The following WWOX variants were observed in gnomAD, a reference collection of about 807,000 sequenced individuals.
WWOX encodes the protein WW domain containing oxidoreductase, also known as WW domain-containing oxidoreductase.
A neutral mutation model predicts 46.2 loss-of-function variants in WWOX; 69 were observed. That is an observed-to-expected ratio of 1.49 (90% confidence interval 1.23 to 1.82). WWOX has a LOEUF of 1.82. Ranked by LOEUF, WWOX falls within the 40% of genes most tolerant of loss-of-function variation. WWOX has a pLI of 0.00. For synonymous variants in WWOX, 359 were observed against 202.6 expected (o/e 1.77, Z -6.56); for missense variants, 919 against 542.6 (o/e 1.69, Z -6.89).
At chr16:78,536,895 C>G (rs2043771258) in intron 8 of WWOX, among the ~76,000 whole-genome samples, 1 of 149,212 alleles carries the variant, frequency 6.7e-6, no homozygotes, top group Non-Finnish European at 1.5e-5. Context: ...GGTTGCAGAG[C>G]CAAGTCTTTT....
At chr16:78,595,488 T>G (rs1168562779) in intron 8 of WWOX, among the ~76,000 whole-genome samples, 2 of 152,160 alleles carry the variant, frequency 1.3e-5, no homozygotes, top group Non-Finnish European at 2.9e-5. Context: ...ACATACTCAC[T>G]CATGACTTCA....
chr16:78,726,294 G>C (rs551341341), intron 8 of WWOX, among the ~76,000 whole-genome samples: 1 of 151,046 alleles, frequency 6.6e-6, no homozygotes, highest in African/African-American at 2.4e-5. Flanking sequence ...GCATGATCAC[G>C]GTTCACTGCA....
chr16:78,371,812 A>G (rs1478443882), intron 5 of WWOX, among the ~76,000 whole-genome samples: 1 of 151,980 alleles, frequency 6.6e-6, no homozygotes, highest in African/African-American at 2.4e-5. Flanking sequence ...TTTATCTTTT[A>G]TCTTTAACAT....
At chr16:78,760,783 C>G (rs1320671182) in intron 8 of WWOX, among the ~76,000 whole-genome samples, 1 of 152,192 alleles carries the variant, frequency 6.6e-6, no homozygotes, top group Non-Finnish European at 1.5e-5. Flanking sequence ...AGTCTGTTTT[C>G]ACTCTGCTGA....
chr16:78,745,740 C>G (rs1375063981), intron 8 of WWOX, among the ~76,000 whole-genome samples: 1 of 151,482 alleles, frequency 6.6e-6, no homozygotes, highest in Non-Finnish European at 1.5e-5. Context: ...CCTCCTCCTT[C>G]TCCTCCTCCC....
In WWOX at chr16:78,415,088, AATT is replaced by A. The variant is rs1441322010; in HGVS notation, c.606-9779_606-9777del. 3.4e-5 allele frequency among the ~76,000 whole-genome samples: 5 copies of A among 148,474 alleles called. No individual in the cohort carries two copies. The East Asian group carries it at 9.7e-4, about 29-fold the overall frequency. Reference sequence around the variant, plus strand: ...TAATATATTTTAATATAATATATATAATTATAATACAATATTATATATAATATA... The same window carrying A: ...TAATATATTTTAATATAATATATATAATAATACAATATTATATATAATATA... On this transcript the variant is annotated intron_variant, in intron 6 of 8. Transcript: ENST00000566780.
At chr16:78,321,437 A>T (rs1597480570) in intron 5 of WWOX, among the ~76,000 whole-genome samples, 2 of 146,208 alleles carry the variant, frequency 1.4e-5, no homozygotes, top group African/African-American at 2.5e-5. Flanking sequence ...TATATATAAA[A>T]ATATATTTAA....
intron 8 of WWOX, among the ~76,000 whole-genome samples, chr16:79,045,866 A>G (rs541853383): frequency 1.9e-4 from 24 of 126,592 alleles, no homozygotes; most frequent in African/African-American, 3.3e-4. Flanking sequence ...CAGTGGCACA[A>G]TCTCAGCTCA....
intron 8 of WWOX, among the ~76,000 whole-genome samples, chr16:79,085,022 C>A (rs879099601): frequency 1.3e-5 from 2 of 150,106 alleles, no homozygotes; most frequent in African/African-American, 4.9e-5. Context: ...AACTACTAGG[C>A]TTAAGCAATC....
At chr16:78,695,582 C>A (rs1250805785) in intron 8 of WWOX, among the ~76,000 whole-genome samples, 1 of 152,118 alleles carries the variant, frequency 6.6e-6, no homozygotes, top group Admixed American at 6.5e-5. Context: ...CGGGCTGGAT[C>A]AGAGAGAGCA....
intron 8 of WWOX, among the ~76,000 whole-genome samples, chr16:78,928,236 T>C (rs2045544228): frequency 1.4e-5 from 2 of 147,592 alleles, no homozygotes; most frequent in Admixed American, 6.8e-5. Context: ...GGAGTCTCGC[T>C]CTGTCGCCCA....
intron 8 of WWOX, among the ~76,000 whole-genome samples, chr16:78,571,362 A>G (rs2044711474): frequency 6.6e-6 from 1 of 152,136 alleles, no homozygotes; most frequent in Non-Finnish European, 1.5e-5. Flanking sequence ...TGTCCCATTA[A>G]ATGTGTATAT....
chr16:78,762,803 G>T (rs2049826352), intron 8 of WWOX, among the ~76,000 whole-genome samples: 1 of 152,174 alleles, frequency 6.6e-6, no homozygotes, highest in Non-Finnish European at 1.5e-5. Flanking sequence ...CTCAGTATCT[G>T]TATCTGTAAT....
At chr16:78,598,222 CAG>C (rs2045536109) in intron 8 of WWOX, among the ~76,000 whole-genome samples, 1 of 152,140 alleles carries the variant, frequency 6.6e-6, no homozygotes, top group African/African-American at 2.4e-5. Flanking sequence ...GGCCCAGAAA[CAG>C]AAAATATTTC....
chr16:78,339,389 C>G (rs57349345), intron 5 of WWOX, among the ~76,000 whole-genome samples: 12,494 of 114,240 alleles, frequency 0.11, 3,618 homozygotes, highest in East Asian at 0.21. Flanking sequence ...AAACAACTCC[C>G]CTGGAGCCTT....
At chr16:79,086,209 C>G (rs868078097) in intron 8 of WWOX, among the ~76,000 whole-genome samples, 1 of 152,200 alleles carries the variant, frequency 6.6e-6, no homozygotes, top group African/African-American at 2.4e-5. Context: ...GCACATATTA[C>G]ATGCTCAATA....
chr16:78,476,300 C>T (rs569173927), intron 8 of WWOX, among the ~76,000 whole-genome samples: 6 of 152,132 alleles, frequency 3.9e-5, no homozygotes, highest in African/African-American at 9.7e-5. Flanking sequence ...TCATATCCTT[C>T]GCCCACTTGG....
chr16:79,050,995 C>G (rs1297546841), intron 8 of WWOX, among the ~76,000 whole-genome samples: 1 of 152,174 alleles, frequency 6.6e-6, no homozygotes, highest in Non-Finnish European at 1.5e-5. Flanking sequence ...AGACACTGAC[C>G]CAAATCACAC....
chr16:78,670,063 A>G (rs915394676), intron 8 of WWOX, among the ~76,000 whole-genome samples: 34 of 152,102 alleles, frequency 2.2e-4, no homozygotes, highest in African/African-American at 7.7e-4. Flanking sequence ...GGTGGCCAAG[A>G]ATTTTAAATT....
Sources: gnomAD v4.1 joint callset for allele counts (sites outside exome capture counted in the v4.1 genomes callset) on GRCh38, gnomAD v4.1.1 for gene constraint, MANE v1.5 for transcripts, NCBI Gene and HGNC (gene_info 2026-07-23, HGNC 2026-07-21) for gene names.